HERC4: variants seen among roughly 807,000 people sequenced by gnomAD.
HERC4 encodes the protein HECT and RLD domain containing E3 ubiquitin protein ligase 4.
In HERC4, 28 loss-of-function variants were observed where a neutral mutation model predicts 124.3. The ratio of observed to expected loss-of-function variants is 0.23; its 90% confidence interval spans 0.17 to 0.31. The LOEUF (loss-of-function observed/expected upper bound fraction) is 0.31. Ranked by LOEUF, HERC4 falls within the 10% of genes least tolerant of loss-of-function variation. HERC4 has a pLI of 1.00. For synonymous variants in HERC4, 407 were observed against 421.5 expected (o/e 0.97, Z 0.42); for missense variants, 713 against 1,229.3 (o/e 0.58, Z 6.28).
intron 16 of HERC4, among the ~76,000 whole-genome samples, chr10:67,964,517 T>C (rs2034729162): frequency 6.6e-6 from 1 of 152,146 alleles, no homozygotes; most frequent in African/African-American, 2.4e-5. Context: ...AAACCCATCA[T>C]TTCCTCTCCC....
intron 19 of HERC4, among the ~76,000 whole-genome samples, chr10:67,950,878 C>T (rs1354650997): frequency 6.6e-6 from 1 of 152,202 alleles, no homozygotes; most frequent in Admixed American, 6.5e-5. Flanking sequence ...GCACCCAGAG[C>T]TTGATTTCTA....
At chr10:67,996,321 C>T (rs1007428914) in intron 9 of HERC4, among the ~76,000 whole-genome samples, 1 of 151,964 alleles carries the variant, frequency 6.6e-6, no homozygotes, top group Non-Finnish European at 1.5e-5. Context: ...AGACACCCCC[C>T]CTGCCCCACA....
At position 67,932,697 on chromosome 10, in the gene HERC4, T is replaced by C; in HGVS notation, c.2738A>G (p.His913Arg). 1 of 1,603,654 alleles carries C rather than the reference T, an allele frequency of 6.2e-7. No homozygotes were observed. The highest frequency in any genetic ancestry group is 8.5e-7 in the Non-Finnish European group (1 of 1,177,838). The change falls in exon 23 of 25, where the codon CAT becomes CGT. Residue 913 changes from histidine to arginine, a missense_variant. Transcript: ENST00000373700. ...AAGGACTTTTCCTCCACAGACCTTA[T>C]GAAAGCCCGCATGAAAAGCATCAAA... The part of the protein sequence containing the change: ...SLFDAFHAGF[H>R]KVCGGKVLLL...
At chr10:68,017,135 C>T (rs2133169515) in intron 8 of HERC4, among the ~76,000 whole-genome samples, 1 of 152,220 alleles carries the variant, frequency 6.6e-6, no homozygotes, top group East Asian at 1.9e-4. Context: ...AAGCAGAAGG[C>T]TTGAAATGGA....
intron 15 of HERC4, among the ~76,000 whole-genome samples, chr10:67,973,151 T>C (rs1371094792): frequency 6.6e-6 from 1 of 152,040 alleles, no homozygotes; most frequent in Non-Finnish European, 1.5e-5. Context: ...TTTCTGTAGG[T>C]TTGAAGATAC....
intron 16 of HERC4, among the ~76,000 whole-genome samples, chr10:67,963,465 C>T (rs2034654075): frequency 6.6e-6 from 1 of 152,178 alleles, no homozygotes; most frequent in Non-Finnish European, 1.5e-5. Flanking sequence ...GATCTGCCCA[C>T]CTCGGCCTCC....
At chr10:68,055,192 C>A (rs925560596) in intron 3 of HERC4, among the ~76,000 whole-genome samples, 3 of 152,188 alleles carry the variant, frequency 2.0e-5, no homozygotes, top group Admixed American at 6.5e-5. Context: ...ACAATCATCA[C>A]AAACTTTAAG....
intron 15 of HERC4, among the ~76,000 whole-genome samples, chr10:67,969,036 T>A (rs773311105): frequency 2.0e-4 from 30 of 152,172 alleles, no homozygotes; most frequent in Admixed American, 1.3e-4. Context: ...TTTAAAAGAA[T>A]CCAAAGTATA....
chr10:67,996,189 C>T (rs754961301), intron 9 of HERC4: 1 of 435,824 alleles, frequency 2.3e-6, no homozygotes, highest in African/African-American at 2.1e-5. Context: ...TGCCTGTAGT[C>T]TGAGCCCAAG....
chr10:67,949,960 A>T (rs556435246), intron 19 of HERC4, among the ~76,000 whole-genome samples: 23 of 152,268 alleles, frequency 1.5e-4, no homozygotes, highest in Admixed American at 1.0e-3. Flanking sequence ...TGGAGTTTGC[A>T]GTAAGCTGAG....
At chr10:68,051,254 T>C (rs537075620) in intron 3 of HERC4, among the ~76,000 whole-genome samples, 37 of 152,112 alleles carry the variant, frequency 2.4e-4, no homozygotes, top group Middle Eastern at 3.4e-3. Flanking sequence ...ATAATCATTA[T>C]AGTCAACAGT....
chr10:68,020,143 C>A (rs1302132497), intron 8 of HERC4, among the ~76,000 whole-genome samples: 2 of 152,108 alleles, frequency 1.3e-5, no homozygotes, highest in African/African-American at 4.8e-5. Context: ...AGGGTGACTC[C>A]TGACACAGAT....
chr10:68,059,018 T>C (rs2040693856), intron 3 of HERC4, among the ~76,000 whole-genome samples: 1 of 152,146 alleles, frequency 6.6e-6, no homozygotes, highest in South Asian at 2.1e-4. Flanking sequence ...TGTGTATCTA[T>C]AAAGCAAATG....
chr10:67,955,637 G>GACA, intron 17 of HERC4: 1 of 152,792 alleles, frequency 6.5e-6, no homozygotes, highest in Non-Finnish European at 1.5e-5. Context: ...AGGGCGTGGT[G>GACA]GTGTGTGCCT....
intron 8 of HERC4, 70 bp from the exon 9 acceptor site, chr10:68,014,256 G>A: frequency 7.6e-7 from 1 of 1,315,890 alleles, no homozygotes; most frequent in Non-Finnish European, 1.0e-6. Context: ...CAAAAGCAGA[G>A]AAAATATCAA....
At chr10:67,950,075 A>G (rs1414435239) in intron 19 of HERC4, among the ~76,000 whole-genome samples, 3 of 152,160 alleles carry the variant, frequency 2.0e-5, no homozygotes, top group African/African-American at 7.2e-5. Context: ...ATTACACAAA[A>G]GAGTATCTCC....
chr10:68,059,852 T>TAGC (rs1230434514), intron 3 of HERC4, among the ~76,000 whole-genome samples: 2 of 78,060 alleles, frequency 2.6e-5, no homozygotes, highest in African/African-American at 1.1e-4. Flanking sequence ...ATATATTATA[T>TAGC]ATCATAATAT....
intron 3 of HERC4, among the ~76,000 whole-genome samples, chr10:68,045,859 G>C (rs1035365027): frequency 4.6e-5 from 7 of 152,180 alleles, no homozygotes; most frequent in Admixed American, 4.6e-4. Flanking sequence ...TAATGAAACA[G>C]ACTGAACCAA....
intron 19 of HERC4, among the ~76,000 whole-genome samples, chr10:67,950,323 T>C (rs951914960): frequency 4.6e-5 from 7 of 151,636 alleles, no homozygotes; most frequent in African/African-American, 1.7e-4. Flanking sequence ...GTCCCCAGGC[T>C]GGAGTGCAGT....
Sources: gnomAD v4.1 joint callset for allele counts (sites outside exome capture counted in the v4.1 genomes callset) on GRCh38, gnomAD v4.1.1 for gene constraint, MANE v1.5 for transcripts, NCBI Gene and HGNC (gene_info 2026-07-23, HGNC 2026-07-21) for gene names.